Variants in PCDHA3 observed in about 807,000 individuals in gnomAD.
PCDHA3 encodes the protein protocadherin alpha 3, also known as protocadherin alpha-3.
Under a neutral mutation model 62.2 loss-of-function variants are expected in PCDHA3, and 41 were observed. The ratio of observed to expected loss-of-function variants is 0.66; its 90% CI spans 0.51 to 0.86. The LOEUF is 0.86. Among genes scored for constraint, PCDHA3 ranks in the 40% least tolerant of loss-of-function variants. The pLI is 0.00. For missense variants in PCDHA3, 1,304 were observed against 1,241.2 expected, an observed-to-expected ratio of 1.05 and a Z score of -0.76; for synonymous variants, 640 against 555.4, an observed-to-expected ratio of 1.15 and a Z score of -2.14.
intron 1 of PCDHA3, among the ~76,000 whole-genome samples, chr5:140,881,865 T>C (rs1380240082): frequency 6.6e-6 from 1 of 152,222 alleles, no homozygotes; most frequent in Non-Finnish European, 1.5e-5. Flanking sequence ...AATAAATTTG[T>C]GGCAAAATGA....
intron 1 of PCDHA3, chr5:140,822,308 A>G (rs2150115344): frequency 3.1e-6 from 5 of 1,614,222 alleles, no homozygotes; most frequent in Non-Finnish European, 4.2e-6. Flanking sequence ...GAATATTTTG[A>G]CTTAGATGTT....
intron 1 of PCDHA3, among the ~76,000 whole-genome samples, chr5:140,917,726 G>A (rs1192405804): frequency 6.6e-6 from 1 of 152,114 alleles, no homozygotes; most frequent in Admixed American, 6.6e-5. Flanking sequence ...TTATTTCTGG[G>A]TTCTCTAACC....
intron 1 of PCDHA3, chr5:140,855,922 T>G: frequency 8.1e-7 from 1 of 1,227,842 alleles, no homozygotes; most frequent in South Asian, 1.5e-5. Flanking sequence ...GACTAGGAAG[T>G]AGCGTCATTC....
chr5:140,895,170 T>C (rs2064890754), intron 1 of PCDHA3, among the ~76,000 whole-genome samples: 1 of 152,176 alleles, frequency 6.6e-6, no homozygotes, highest in Admixed American at 6.5e-5. Flanking sequence ...TCCAATCTAT[T>C]TGTAGTCCCT....
intron 1 of PCDHA3, chr5:140,809,153 G>A (rs558715293): frequency 1.3e-5 from 21 of 1,613,816 alleles, no homozygotes; most frequent in Non-Finnish European, 1.6e-5. Flanking sequence ...GGACCACGGC[G>A]AGCCCGCGCT....
intron 1 of PCDHA3, among the ~76,000 whole-genome samples, chr5:140,924,976 C>T (rs1376073492): frequency 6.6e-6 from 1 of 151,048 alleles, no homozygotes; most frequent in Non-Finnish European, 1.5e-5. Context: ...TGCAGTGGCT[C>T]ATGTCTGTAA....
At chr5:140,873,452 C>G (rs147398020) in intron 1 of PCDHA3, among the ~76,000 whole-genome samples, 1 of 152,006 alleles carries the variant, frequency 6.6e-6, no homozygotes, top group South Asian at 2.1e-4. Context: ...AACAAATTTG[C>G]ATTTTAGATA....
intron 1 of PCDHA3, among the ~76,000 whole-genome samples, chr5:140,902,415 G>T (rs887303649): frequency 1.3e-5 from 2 of 152,060 alleles, no homozygotes; most frequent in South Asian, 4.1e-4. Context: ...TTGAATAACA[G>T]TGGTGAAAGT....
At chr5:140,887,263 A>AT (rs1336620900) in intron 1 of PCDHA3, among the ~76,000 whole-genome samples, 1 of 151,790 alleles carries the variant, frequency 6.6e-6, no homozygotes, top group Non-Finnish European at 1.5e-5. Flanking sequence ...CGCCCTGCTA[A>AT]TTTTTTGTAT....
rs186269491 is a variant in PCDHA3, at chr5:140,841,020, C to A, written c.2394+37429C>A. Among the ~76,000 whole-genome samples, 45 of 152,032 alleles carry A rather than the reference C, an allele frequency of 3.0e-4. 2 individuals carry two copies. The highest frequency in any genetic ancestry group is 9.9e-4 in the African/African-American group (41 of 41,434). On this transcript the variant is annotated intron_variant, in intron 1 of 3. Coordinates refer to ENST00000522353, the MANE Select transcript of PCDHA3 (RefSeq NM_018906.3). ...TGTAAGGAGCCAGACAGTATGAATG[C>A]CTCTGCAATTGATAAAGTTAAGGAT...
chr5:140,884,484 T>TA, intron 1 of PCDHA3: 1 of 1,613,922 alleles, frequency 6.2e-7, no homozygotes, highest in Non-Finnish European at 8.5e-7. Flanking sequence ...AAGCCCACTC[T>TA]AGTGTGCTCC....
chr5:140,829,809 C>CTGG, intron 1 of PCDHA3: 1 of 1,613,854 alleles, frequency 6.2e-7, no homozygotes, highest in African/African-American at 1.3e-5. Context: ...GTGGGTGGTA[C>CTGG]TGGTGGTGCA....
rs149837711 is a variant in PCDHA3 at position 140,940,786 on chromosome 5, G to A, written c.2395-38163G>A. Reference sequence around the variant, plus strand: ...TTTGACTTTTGATGGTCCATATCCTGAAAATGATATTTGCCAGGATATCCT... The same window carrying A: ...TTTGACTTTTGATGGTCCATATCCTAAAAATGATATTTGCCAGGATATCCT... On this transcript the variant is annotated intron_variant, in intron 1 of 3. Coordinates refer to ENST00000522353, the MANE Select transcript of PCDHA3 (RefSeq NM_018906.3). 1.1e-4 allele frequency among the ~76,000 whole-genome samples: 17 copies of A among 152,224 alleles called. 1 individual carries two copies. The East Asian group carries it at 2.9e-3, about 26-fold the overall frequency.
At chr5:140,824,626 T>TTTTTTTG (rs1768277124) in intron 1 of PCDHA3, 1 of 133,454 alleles carries the variant, frequency 7.5e-6, no homozygotes, top group Non-Finnish European at 1.5e-5. Flanking sequence ...TTTTTTTTTT[T>TTTTTTTG]TTTTTTATTT....
chr5:140,985,228 C>G (rs1022229644), intron 3 of PCDHA3, among the ~76,000 whole-genome samples: 4 of 152,156 alleles, frequency 2.6e-5, no homozygotes, highest in Non-Finnish European at 4.4e-5. Context: ...TGAGCCACCG[C>G]GCCTGGCCTA....
At chr5:140,842,539 G>T (rs182995378) in intron 1 of PCDHA3, 7 of 1,610,436 alleles carry the variant, frequency 4.3e-6, no homozygotes, top group African/African-American at 1.3e-5. Context: ...ATTACTACTC[G>T]TTGGTGCTGG....
intron 1 of PCDHA3, chr5:140,809,370 C>G: frequency 6.2e-7 from 1 of 1,614,004 alleles, no homozygotes; most frequent in Non-Finnish European, 8.5e-7. Context: ...GCGCTGCCCA[C>G]CGAGGGCGCG....
intron 1 of PCDHA3, chr5:140,836,453 G>C: frequency 6.2e-7 from 1 of 1,613,854 alleles, no homozygotes; most frequent in Non-Finnish European, 8.5e-7. Context: ...CAGGCCCAGA[G>C]ACCGAGCTGG....
rs781920774 is a variant in PCDHA3 at position 140,882,850 on chromosome 5, T to A, written c.2394+79259T>A. 4 of 1,614,090 alleles carry A rather than the reference T, an allele frequency of 2.5e-6. No homozygotes were observed. In the African/African-American group the frequency reaches 5.3e-5, roughly 22 times the overall value. ...TTGAGCAAATGTCTTCATTATCACT[T>A]GTACTGAGGAAAACACTGGACAGAG... On this transcript the variant is annotated intron_variant, in intron 1 of 3. Coordinates refer to ENST00000522353, the MANE Select transcript of PCDHA3 (RefSeq NM_018906.3).
Sources: gnomAD v4.1 joint callset for allele counts (sites outside exome capture counted in the v4.1 genomes callset) on GRCh38, gnomAD v4.1.1 for gene constraint, MANE v1.5 for transcripts, NCBI Gene and HGNC (gene_info 2026-07-23, HGNC 2026-07-21) for gene names.